Variants in ATP8B4 observed in about 807,000 individuals in gnomAD.
ATP8B4 encodes the protein ATPase phospholipid transporting 8B4 (putative).
A neutral mutation model predicts 145.6 loss-of-function variants in ATP8B4; 133 were observed. That is an observed-to-expected ratio of 0.91 (90% confidence interval 0.79 to 1.05). ATP8B4 has a LOEUF of 1.05. Among genes scored for constraint, ATP8B4 ranks in the 50% least tolerant of loss-of-function variants. ATP8B4 has a pLI of 0.00. For missense variants in ATP8B4, 1,458 were observed against 1,425.2 expected (o/e 1.02, Z -0.37); for synonymous variants, 507 against 492.9 (o/e 1.03, Z -0.38).
chr15:50,181,403 T>C (rs984791713), intron 1 of ATP8B4, among the ~76,000 whole-genome samples: 3 of 152,258 alleles, frequency 2.0e-5, no homozygotes, highest in Non-Finnish European at 2.9e-5. Flanking sequence ...CAATGTCCTC[T>C]GTACTATACT....
At chr15:50,166,857 G>A (rs1240494174) in intron 1 of ATP8B4, among the ~76,000 whole-genome samples, 1 of 152,166 alleles carries the variant, frequency 6.6e-6, no homozygotes, top group Non-Finnish European at 1.5e-5. Context: ...GGGGTTGGGG[G>A]TTGGAATGTT....
At chr15:49,931,341 A>G (rs1454462154) in intron 15 of ATP8B4, 34 bp from the exon 16 acceptor site, 1 of 1,576,916 alleles carries the variant, frequency 6.3e-7, no homozygotes, top group Non-Finnish European at 8.7e-7. Flanking sequence ...ATCAATACTG[A>G]CTAACAGCTA....
chr15:49,966,538 A>G (rs2044559262), intron 13 of ATP8B4, among the ~76,000 whole-genome samples: 1 of 152,212 alleles, frequency 6.6e-6, no homozygotes, highest in Non-Finnish European at 1.5e-5. Flanking sequence ...GCAGCTCAGC[A>G]AAGCCTCTGT....
chr15:49,997,573 C>T (rs758489270), intron 8 of ATP8B4, among the ~76,000 whole-genome samples: 32 of 152,040 alleles, frequency 2.1e-4, no homozygotes, highest in Non-Finnish European at 2.9e-4. Context: ...ACCCAAGATA[C>T]GCAATGCTGC....
intron 2 of ATP8B4, among the ~76,000 whole-genome samples, chr15:50,099,271 T>C (rs1188163755): frequency 6.6e-6 from 1 of 152,056 alleles, no homozygotes; most frequent in South Asian, 2.1e-4. Context: ...ATGTGTACAA[T>C]TTTTTTTCTT....
intron 6 of ATP8B4, among the ~76,000 whole-genome samples, chr15:50,033,737 C>T (rs1312833789): frequency 6.6e-6 from 1 of 152,144 alleles, no homozygotes; most frequent in African/African-American, 2.4e-5. Flanking sequence ...TAGTAGTTCA[C>T]AATGATTATT....
At chr15:49,962,517 T>C (rs186061144) in intron 13 of ATP8B4, among the ~76,000 whole-genome samples, 3 of 152,312 alleles carry the variant, frequency 2.0e-5, no homozygotes, top group African/African-American at 2.4e-5. Context: ...TCAGAAAACA[T>C]AGCCACCCAT....
At chr15:50,084,549 T>C (rs1276208359) in intron 2 of ATP8B4, among the ~76,000 whole-genome samples, 1 of 152,202 alleles carries the variant, frequency 6.6e-6, no homozygotes, top group Non-Finnish European at 1.5e-5. Context: ...AGAATGCTTC[T>C]TTCAGAATTC....
chr15:50,011,894 T>TA (rs2048745274), intron 6 of ATP8B4, among the ~76,000 whole-genome samples: 2 of 147,360 alleles, frequency 1.4e-5, no homozygotes, highest in South Asian at 2.2e-4. Flanking sequence ...TCATTGTACT[T>TA]TAAAAAAAAT....
intron 6 of ATP8B4, among the ~76,000 whole-genome samples, chr15:50,016,919 A>T (rs1298420695): frequency 6.6e-6 from 1 of 152,136 alleles, no homozygotes; most frequent in African/African-American, 2.4e-5. Flanking sequence ...CATTCCCTTG[A>T]GGGGCAGTGG....
Position 49,972,570 on chromosome 15 carries a change from T to G in ATP8B4, c.1243+12A>C. ...AACAATATCGTTAAGAGAAAGGAACTGTTTCTCTTACCATAGATTCTCCCA... is the reference window on the plus strand; with the variant it reads ...AACAATATCGTTAAGAGAAAGGAACGGTTTCTCTTACCATAGATTCTCCCA... On this transcript the variant is annotated intron_variant, in intron 13 of 27. Coordinates refer to ENST00000284509, the MANE Select transcript of ATP8B4 (RefSeq NM_024837.4). 1 of 1,603,774 alleles carries G rather than the reference T, an allele frequency of 6.2e-7. No homozygotes were observed. Among genetic ancestry groups the G allele is most frequent in the African/African-American group, 1.3e-5 (1 of 74,748 alleles).
intron 2 of ATP8B4, among the ~76,000 whole-genome samples, chr15:50,084,709 A>G (rs2054780673): frequency 6.6e-6 from 1 of 152,200 alleles, no homozygotes; most frequent in African/African-American, 2.4e-5. Flanking sequence ...AGTTCCTTCT[A>G]GAGATCCTAG....
chr15:50,152,684 A>G (rs1255255035), intron 1 of ATP8B4, among the ~76,000 whole-genome samples: 2 of 152,234 alleles, frequency 1.3e-5, no homozygotes, highest in African/African-American at 4.8e-5. Context: ...ATACAGGACC[A>G]AAGAGAATCA....
chr15:50,156,461 T>C (rs2044421647), intron 1 of ATP8B4, among the ~76,000 whole-genome samples: 1 of 152,138 alleles, frequency 6.6e-6, no homozygotes, highest in South Asian at 2.1e-4. Context: ...TGCTGTAATT[T>C]GTAAAACCAT....
At chr15:49,926,075 G>A (rs2040692894) in intron 16 of ATP8B4, among the ~76,000 whole-genome samples, 1 of 151,814 alleles carries the variant, frequency 6.6e-6, no homozygotes, top group African/African-American at 2.4e-5. Flanking sequence ...TACTGTCCCT[G>A]GGCAACTGCA....
rs2049765466 is a variant in ATP8B4 at position 50,023,642 on chromosome 15, T to C, written c.363-12725A>G. 2.0e-5 allele frequency among the ~76,000 whole-genome samples: 3 copies of C among 151,794 alleles called. No individual in the cohort carries two copies. In the South Asian group the frequency reaches 6.3e-4, roughly 32 times the overall value. On this transcript the variant is annotated intron_variant, in intron 6 of 27. Coordinates refer to ENST00000284509, the MANE Select transcript of ATP8B4 (RefSeq NM_024837.4). Reference sequence around the variant, plus strand: ...TGAGATACAGAGCAAAGACAAAATTTAGAATACAGAGAAAGCAAGAAAAAA... The same window carrying C: ...TGAGATACAGAGCAAAGACAAAATTCAGAATACAGAGAAAGCAAGAAAAAA...
At position 49,996,676 on chromosome 15, in the gene ATP8B4, C is replaced by T. The variant is rs746831370; in HGVS notation, c.589+1G>A. The T allele has an allele frequency of 2.5e-5, 40 of 1,599,520 alleles. No homozygotes were observed. Among genetic ancestry groups the T allele is most frequent in the Non-Finnish European group, 3.3e-5 (39 of 1,168,966 alleles). ...TTTGTTTATCTGTTTAAAATACTTACCATCAAACCCTGCAAGTCTGCTGAT... is the reference window on the plus strand; with the variant it reads ...TTTGTTTATCTGTTTAAAATACTTATCATCAAACCCTGCAAGTCTGCTGAT... On this transcript the variant is annotated splice_donor_variant, in intron 9 of 27. Coordinates refer to ENST00000284509, the MANE Select transcript of ATP8B4 (RefSeq NM_024837.4). LOFTEE classifies it high-confidence loss of function.
chr15:50,116,669 C>T (rs1357034202), intron 1 of ATP8B4, among the ~76,000 whole-genome samples: 1 of 151,914 alleles, frequency 6.6e-6, no homozygotes, highest in Non-Finnish European at 1.5e-5. Flanking sequence ...AGAGGGCGCT[C>T]AACTTCAAAA....
At position 49,908,804 on chromosome 15, in the gene ATP8B4, C is replaced by T. The variant is rs534041408; in HGVS notation, c.2142-7565G>A. Among the ~76,000 whole-genome samples the T allele has an allele frequency of 5.9e-5, 9 of 152,264 alleles. No homozygotes were observed. In the East Asian group the frequency reaches 9.7e-4, roughly 16 times the overall value. On this transcript the variant is annotated intron_variant, in intron 20 of 27. Coordinates refer to ENST00000284509, the MANE Select transcript of ATP8B4 (RefSeq NM_024837.4). ...CTGCCACCATGGCCAAAGTGCAAGA[C>T]GCTGACAGCAACCCCACTACCCTTC...
Sources: allele counts gnomAD v4.1 joint callset (sites outside exome capture counted in the v4.1 genomes callset), GRCh38; gene constraint gnomAD v4.1.1; transcripts MANE v1.5; gene names NCBI Gene and HGNC (gene_info 2026-07-23, HGNC 2026-07-21).